Variants in ARSB observed in about 807,000 individuals in gnomAD.
ARSB encodes the protein N-acetylgalactosamine-4-sulfatase.
Under a neutral mutation model 50.9 loss-of-function variants are expected in ARSB, and 41 were observed. That is an observed-to-expected ratio of 0.81 (90% confidence interval 0.63 to 1.04). The LOEUF is 1.04. Among genes scored for constraint, ARSB ranks in the 50% least tolerant of loss-of-function variants. The pLI is 0.00. For missense variants in ARSB, 672 were observed against 693.3 expected, an observed-to-expected ratio of 0.97 and a Z score of 0.35; for synonymous variants, 269 against 284.8, an observed-to-expected ratio of 0.94 and a Z score of 0.56.
chr5:78,945,240 C>T (rs1459002551), intron 4 of ARSB, among the ~76,000 whole-genome samples: 3 of 152,200 alleles, frequency 2.0e-5, no homozygotes, highest in African/African-American at 7.2e-5. Flanking sequence ...TGAGGCGATG[C>T]CTCGCCCTGC....
At chr5:78,853,983 A>C (rs1029359424) in intron 5 of ARSB, among the ~76,000 whole-genome samples, 3 of 152,234 alleles carry the variant, frequency 2.0e-5, no homozygotes, top group Non-Finnish European at 4.4e-5. Flanking sequence ...TTGACTAGGA[A>C]AGGGAACTCC....
chr5:78,889,345 T>C (rs1250408248), intron 4 of ARSB, among the ~76,000 whole-genome samples: 1 of 152,224 alleles, frequency 6.6e-6, no homozygotes, highest in Non-Finnish European at 1.5e-5. Flanking sequence ...CATTTTCCCT[T>C]CTAGTTTTAT....
intron 5 of ARSB, among the ~76,000 whole-genome samples, chr5:78,855,831 T>C (rs1486111057): frequency 6.6e-6 from 1 of 152,156 alleles, no homozygotes; most frequent in Non-Finnish European, 1.5e-5. Context: ...TCCTAGTTCA[T>C]TCCCAGCTGC....
chr5:78,933,420 C>T (rs773995167), intron 4 of ARSB, among the ~76,000 whole-genome samples: 6 of 152,130 alleles, frequency 3.9e-5, no homozygotes, highest in Non-Finnish European at 7.3e-5. Context: ...TCTATTTGCC[C>T]AAAGTTGTTC....
chr5:78,821,161 GT>G (rs963268295), intron 6 of ARSB, among the ~76,000 whole-genome samples: 6 of 152,276 alleles, frequency 3.9e-5, no homozygotes, highest in African/African-American at 1.2e-4. Context: ...CTGAGACGGA[GT>G]TTTGCTCTTG....
chr5:78,922,056 T>C (rs551488111), intron 4 of ARSB, among the ~76,000 whole-genome samples: 1 of 152,192 alleles, frequency 6.6e-6, no homozygotes, highest in East Asian at 1.9e-4. Flanking sequence ...ATCCCAGTGG[T>C]TGGAATCGAA....
chr5:78,908,566 G>A (rs1319146014), intron 4 of ARSB, among the ~76,000 whole-genome samples: 1 of 152,068 alleles, frequency 6.6e-6, no homozygotes, highest in Non-Finnish European at 1.5e-5. Context: ...CGGGCAGCCT[G>A]GCCGGAACAC....
At chr5:78,840,353 C>A (rs953911131) in intron 5 of ARSB, among the ~76,000 whole-genome samples, 1 of 152,180 alleles carries the variant, frequency 6.6e-6, no homozygotes, top group Non-Finnish European at 1.5e-5. Context: ...AGGCTCCTGA[C>A]GTAACCAAGA....
At chr5:78,854,262 C>T (rs1193060358) in intron 5 of ARSB, among the ~76,000 whole-genome samples, 1 of 152,172 alleles carries the variant, frequency 6.6e-6, no homozygotes, top group Non-Finnish European at 1.5e-5. Flanking sequence ...TTTCCTTCTA[C>T]TAATTTTGGA....
chr5:78,952,418 C>A (rs953601184), intron 4 of ARSB, among the ~76,000 whole-genome samples: 2 of 152,100 alleles, frequency 1.3e-5, no homozygotes, highest in Non-Finnish European at 2.9e-5. Flanking sequence ...CTCACTGCAG[C>A]CTCAACCTCC....
intron 4 of ARSB, among the ~76,000 whole-genome samples, chr5:78,943,959 T>C (rs1348147180): frequency 6.6e-6 from 1 of 152,250 alleles, no homozygotes; most frequent in Non-Finnish European, 1.5e-5. Flanking sequence ...CCATATTTCA[T>C]GGAGGCTTTG....
At chr5:78,848,399 A>AT (rs1426693935) in intron 5 of ARSB, among the ~76,000 whole-genome samples, 2 of 147,600 alleles carry the variant, frequency 1.4e-5, no homozygotes, top group African/African-American at 2.5e-5. Context: ...TGAACTCATC[A>AT]TTTTTTATGG....
At chr5:78,972,348 G>A (rs1752485092) in intron 1 of ARSB, among the ~76,000 whole-genome samples, 1 of 152,090 alleles carries the variant, frequency 6.6e-6, no homozygotes, top group South Asian at 2.1e-4. Flanking sequence ...ACTATCCCTA[G>A]CATTTTGCCC....
intron 5 of ARSB, among the ~76,000 whole-genome samples, chr5:78,866,343 A>G (rs1746734651): frequency 6.6e-6 from 1 of 152,140 alleles, no homozygotes; most frequent in Non-Finnish European, 1.5e-5. Flanking sequence ...TGTGAGCCCT[A>G]TTCACTATCA....
chr5:78,971,120 T>C (rs1457777857), intron 1 of ARSB, among the ~76,000 whole-genome samples: 1 of 152,224 alleles, frequency 6.6e-6, no homozygotes, highest in African/African-American at 2.4e-5. Context: ...CTGAGCTTAC[T>C]AGACAAGTTC....
At chr5:78,824,294 G>T (rs1443198190) in intron 6 of ARSB, among the ~76,000 whole-genome samples, 1 of 152,100 alleles carries the variant, frequency 6.6e-6, no homozygotes, top group Non-Finnish European at 1.5e-5. Context: ...GAAATTCAAG[G>T]TCTTACATCT....
At chr5:78,956,164 T>C (rs1751714551) in intron 3 of ARSB, among the ~76,000 whole-genome samples, 2 of 152,210 alleles carry the variant, frequency 1.3e-5, no homozygotes, top group Admixed American at 6.5e-5. Flanking sequence ...AAATATGGTA[T>C]ATTTTCAGCA....
chr5:78,944,860 T>C (rs899151217), intron 4 of ARSB, among the ~76,000 whole-genome samples: 6 of 152,240 alleles, frequency 3.9e-5, no homozygotes, highest in African/African-American at 1.4e-4. Context: ...TGTTCAGCTA[T>C]GCCCTGCCCC....
chr5:78,888,441 G>A (rs573623567), intron 4 of ARSB, among the ~76,000 whole-genome samples: 27 of 152,200 alleles, frequency 1.8e-4, no homozygotes, highest in Non-Finnish European at 3.5e-4. Flanking sequence ...CACTCTTCCC[G>A]TGATATCAAG....
Sources: gnomAD v4.1 joint callset for allele counts (sites outside exome capture counted in the v4.1 genomes callset) on GRCh38, gnomAD v4.1.1 for gene constraint, MANE v1.5 for transcripts, NCBI Gene and HGNC (gene_info 2026-07-23, HGNC 2026-07-21) for gene names.